The following LRSAM1 variants were observed in gnomAD, a reference collection of about 807,000 sequenced individuals.
LRSAM1 encodes E3 ubiquitin-protein ligase LRSAM1.
Under a neutral mutation model 118.1 loss-of-function variants are expected in LRSAM1, and 96 were observed. That is an observed-to-expected ratio of 0.81 (90% confidence interval 0.69 to 0.96). The LOEUF is 0.96. LRSAM1 is among the 40% of genes least tolerant of loss of function. LRSAM1 has a pLI of 0.00. For synonymous variants in LRSAM1, 322 were observed against 364.2 expected (o/e 0.88, Z 1.32); for missense variants, 804 against 915.5 (o/e 0.88, Z 1.57).
intron 2 of LRSAM1, 120 bp downstream of exon 2, chr9:127,452,204 G>A (rs1834348322): frequency 6.6e-6 from 1 of 152,474 alleles, no homozygotes; most frequent in Admixed American, 6.5e-5. Flanking sequence ...CTGATCTTCG[G>A]GGAGGGGTGG....
intron 14 of LRSAM1, among the ~76,000 whole-genome samples, chr9:127,480,719 G>C (rs1044807978): frequency 6.6e-6 from 1 of 152,148 alleles, no homozygotes; most frequent in Non-Finnish European, 1.5e-5. Flanking sequence ...ACAGAGTCTC[G>C]CTGTGTCACT....
intron 9 of LRSAM1, among the ~76,000 whole-genome samples, chr9:127,467,373 A>G (rs2253806): frequency 0.61 from 92,586 of 152,014 alleles, 28,533 homozygotes; most frequent in African/African-American, 0.64. Flanking sequence ...GGTGCAGCTC[A>G]CCTCAATATC....
intron 11 of LRSAM1, among the ~76,000 whole-genome samples, chr9:127,478,587 G>A (rs748478852): frequency 2.0e-5 from 3 of 152,208 alleles, no homozygotes; most frequent in Non-Finnish European, 4.4e-5. Flanking sequence ...GGTGCTGTAG[G>A]TGTGTTACGC....
At chr9:127,502,432 C>T (rs1235485640) in intron 25 of LRSAM1, among the ~76,000 whole-genome samples, 1 of 152,156 alleles carries the variant, frequency 6.6e-6, no homozygotes, top group Non-Finnish European at 1.5e-5. Flanking sequence ...CGCCTGTAAT[C>T]CCAGCACTTT....
intron 9 of LRSAM1, among the ~76,000 whole-genome samples, chr9:127,463,855 A>G (rs1015730058): frequency 1.5e-4 from 23 of 152,216 alleles, no homozygotes; most frequent in African/African-American, 5.3e-4. Context: ...CGCTCCGTGT[A>G]TCGTCACAGA....
At chr9:127,460,996 C>A (rs970633254) in intron 7 of LRSAM1, among the ~76,000 whole-genome samples, 177 bp from the exon 8 acceptor site, 1 of 151,932 alleles carries the variant, frequency 6.6e-6, no homozygotes, top group Non-Finnish European at 1.5e-5. Context: ...GCTGGGACTA[C>A]AGGTGTGTGC....
At chr9:127,481,963 G>GA (rs1322730682) in intron 15 of LRSAM1, among the ~76,000 whole-genome samples, 6 of 150,760 alleles carry the variant, frequency 4.0e-5, no homozygotes, top group East Asian at 1.9e-4. Context: ...AAGAAATTCA[G>GA]AAAAAAAATC....
At chr9:127,473,611 T>C (rs1835250870) in intron 10 of LRSAM1, among the ~76,000 whole-genome samples, 190 bp from the exon 11 acceptor site, 1 of 152,166 alleles carries the variant, frequency 6.6e-6, no homozygotes, top group Admixed American at 6.6e-5. Context: ...CCACTGACAT[T>C]TACTGAGCAC....
chr9:127,479,483 A>C lies in LRSAM1; in HGVS notation c.881A>C (p.Glu294Ala). 2 of 1,614,032 alleles carry C rather than the reference A, an allele frequency of 1.2e-6. No individual in the cohort carries two copies. Among genetic ancestry groups the C allele is most frequent in the African/African-American group, 1.3e-5 (1 of 75,034 alleles). Residue 294 changes from glutamate (E) to alanine (A), a missense_variant, in exon 13 of 26, where the codon GAG (glutamate) becomes GCG (alanine). Coordinates refer to ENST00000300417, the MANE Select transcript of LRSAM1 (RefSeq NM_001005373.4). ...CAGCAGAGCAGCAGCCAGAAGGATG[A>C]GATCCTTCAGACGGTCAAGGAGGTT... The part of the protein sequence containing the change: ...LLQQSSSQKD[E>A]ILQTVKEEQS...
chr9:127,479,594 A>G, intron 13 of LRSAM1, 89 bp downstream of exon 13: 2 of 1,568,984 alleles, frequency 1.3e-6, no homozygotes, highest in South Asian at 1.1e-5. Context: ...GGATGTGGAA[A>G]GGCAGTGGGA....
chr9:127,464,341 G>T (rs779903349), intron 9 of LRSAM1, among the ~76,000 whole-genome samples: 1 of 151,264 alleles, frequency 6.6e-6, no homozygotes, highest in African/African-American at 2.4e-5. Context: ...CACTGGCCAT[G>T]TGTATCTAAT....
chr9:127,467,983 C>T (rs1210466063), intron 10 of LRSAM1, among the ~76,000 whole-genome samples, 153 bp downstream of exon 10: 1 of 152,198 alleles, frequency 6.6e-6, no homozygotes, highest in Admixed American at 6.5e-5. Flanking sequence ...ACAGGCAAAA[C>T]AAATGTTTAC....
At chr9:127,466,504 A>ATATATATATATATATATTT (rs1554755061) in intron 9 of LRSAM1, among the ~76,000 whole-genome samples, 3 of 24,530 alleles carry the variant, frequency 1.2e-4, no homozygotes, top group Non-Finnish European at 2.2e-4. Flanking sequence ...ATATATATAT[A>ATATATATATATATATATTT]TTTTTTTTTT....
intron 9 of LRSAM1, among the ~76,000 whole-genome samples, chr9:127,462,774 G>A (rs1280360815): frequency 6.6e-6 from 1 of 151,704 alleles, no homozygotes; most frequent in Non-Finnish European, 1.5e-5. Context: ...AACCACCGTG[G>A]CACATGTTTA....
intron 16 of LRSAM1, among the ~76,000 whole-genome samples, chr9:127,483,347 C>G (rs569141696): frequency 6.6e-6 from 1 of 151,786 alleles, no homozygotes. Flanking sequence ...TTTAGGAAGC[C>G]GAGGCTGGAG....
intron 11 of LRSAM1, among the ~76,000 whole-genome samples, chr9:127,476,189 A>C (rs554143588): frequency 7.7e-4 from 117 of 152,312 alleles, no homozygotes; most frequent in African/African-American, 2.7e-3. Context: ...AATGTTTGTC[A>C]GTGAGAAGGC....
intron 15 of LRSAM1, among the ~76,000 whole-genome samples, chr9:127,482,278 G>A (rs1835570740): frequency 6.6e-6 from 1 of 151,860 alleles, no homozygotes; most frequent in Non-Finnish European, 1.5e-5. Context: ...GAGTAGCTGG[G>A]ATTATAGGCG....
chr9:127,454,413 G>T, intron 2 of LRSAM1, 83 bp from the exon 3 acceptor site: 1 of 1,009,202 alleles, frequency 9.9e-7, no homozygotes, highest in Non-Finnish European at 1.5e-6. Flanking sequence ...CCAGCTGCAT[G>T]CTCTGTGTTA....
Position 127,479,468 on chromosome 9 carries a change from G to A in LRSAM1, c.866G>A (p.Ser289Asn). 1 of 1,614,162 alleles carries A rather than the reference G, an allele frequency of 6.2e-7. No individual in the cohort carries two copies. The highest frequency in any genetic ancestry group is 2.2e-5 in the East Asian group (1 of 44,872). Residue 289 changes from serine (S) to asparagine (N), a missense_variant, in exon 13 of 26, where the codon AGC (serine) becomes AAC (asparagine). Transcript: ENST00000300417. ...REHTQLLQQS[S>N]SQKDEILQTV... The stretch of plus-strand genomic sequence containing the variant: ...CACACCCAGCTCCTTCAGCAGAGCA[G>A]CAGCCAGAAGGATGAGATCCTTCAG...
Sources: allele counts gnomAD v4.1 joint callset (sites outside exome capture counted in the v4.1 genomes callset), GRCh38; gene constraint gnomAD v4.1.1; transcripts MANE v1.5; gene names NCBI Gene and HGNC (gene_info 2026-07-23, HGNC 2026-07-21).